The following MACROD2 variants were observed in gnomAD, a reference collection of about 807,000 sequenced individuals.
The protein encoded by MACROD2 is mono-ADP ribosylhydrolase 2, also known as ADP-ribose glycohydrolase MACROD2.
In MACROD2, 36 loss-of-function variants were observed where a neutral mutation model predicts 70.4. The ratio of observed to expected loss-of-function variants is 0.51; its 90% CI spans 0.39 to 0.68. The LOEUF is 0.68. Among genes scored for constraint, MACROD2 ranks in the 30% least tolerant of loss-of-function variants. The pLI, the probability that MACROD2 is intolerant of heterozygous loss-of-function variation, is 0.00. For missense variants in MACROD2, 496 were observed against 538.4 expected (o/e 0.92, Z 0.78); for synonymous variants, 172 against 178.8 (o/e 0.96, Z 0.30).
chr20:14,477,448 T>TAG, intron 3 of MACROD2, among the ~76,000 whole-genome samples: 1 of 152,168 alleles, frequency 6.6e-6, no homozygotes, highest in African/African-American at 2.4e-5. Flanking sequence ...TAGCACAAGA[T>TAG]TTTACATAGA....
intron 5 of MACROD2, among the ~76,000 whole-genome samples, chr20:14,864,436 GT>G (rs1319986366): frequency 6.6e-6 from 1 of 151,968 alleles, no homozygotes; most frequent in African/African-American, 2.4e-5. Flanking sequence ...TTTTTATACT[GT>G]AAAACTTTAA....
chr20:15,349,638 C>T (rs1251026817), intron 6 of MACROD2, among the ~76,000 whole-genome samples: 2 of 151,756 alleles, frequency 1.3e-5, no homozygotes, highest in Admixed American at 6.6e-5. Context: ...CTCCTGTAAT[C>T]CCAGCTACTC....
At chr20:15,534,741 C>T (rs1333702770) in intron 8 of MACROD2, among the ~76,000 whole-genome samples, 1 of 152,032 alleles carries the variant, frequency 6.6e-6, no homozygotes, top group African/African-American at 2.4e-5. Context: ...GACCTGGCTG[C>T]AAGGTAGTGT....
At chr20:15,491,562 T>A (rs2047232123) in intron 7 of MACROD2, among the ~76,000 whole-genome samples, 1 of 152,220 alleles carries the variant, frequency 6.6e-6, no homozygotes. Flanking sequence ...TGTGGGCAAG[T>A]GGAGTGTGAG....
chr20:15,196,712 G>T, intron 5 of MACROD2: 1 of 209,040 alleles, frequency 4.8e-6, no homozygotes, highest in Non-Finnish European at 8.3e-6. Flanking sequence ...TTTCATTGTT[G>T]GCCAGGACTG....
At chr20:15,596,217 A>G (rs1408166943) in intron 8 of MACROD2, among the ~76,000 whole-genome samples, 3 of 152,194 alleles carry the variant, frequency 2.0e-5, no homozygotes, top group Admixed American at 6.5e-5. Context: ...GGTCAACTCT[A>G]CTGAGAGCTC....
rs550377684 is a variant in MACROD2 at position 14,333,687 on chromosome 20, A to G, written c.272-159792A>G. ...TTAAATTTCTAATATTTAAGTTTCC[A>G]TACAGTAGTTCAGCAAATACATTTA... On this transcript the variant is annotated intron_variant, in intron 3 of 17. Coordinates refer to ENST00000684519, the MANE Select transcript of MACROD2 (RefSeq NM_001351661.2). Among the ~76,000 whole-genome samples the G allele has an allele frequency of 6.6e-5, 10 of 152,344 alleles. No homozygotes were observed. In the East Asian group the frequency reaches 1.9e-3, roughly 29 times the overall value.
Position 16,018,127 on chromosome 20 carries a change from T to TA in MACROD2, c.1154-23068dup, listed in dbSNP as rs2066953723. 2.6e-5 allele frequency among the ~76,000 whole-genome samples: 4 copies of TA among 152,234 alleles called. No homozygotes were observed. In the South Asian group the frequency reaches 8.3e-4, roughly 32 times the overall value. The stretch of plus-strand genomic sequence containing the variant: ...ATATGGAGCACAGAAGGTAAAATAT[T>TA]AAAAAATGAATATTATGAGATGGCT... On this transcript the variant is annotated intron_variant, in intron 15 of 17. Transcript: ENST00000684519.
chr20:15,689,779 C>CT (rs1205538217), intron 8 of MACROD2, among the ~76,000 whole-genome samples: 1 of 152,148 alleles, frequency 6.6e-6, no homozygotes, highest in Non-Finnish European at 1.5e-5. Context: ...CCTCTAAACA[C>CT]TTTCTCCAAA....
chr20:14,738,612 C>T (rs1424351346), intron 5 of MACROD2, among the ~76,000 whole-genome samples: 1 of 152,020 alleles, frequency 6.6e-6, no homozygotes, highest in African/African-American at 2.4e-5. Context: ...TGAGCAAATG[C>T]ACGCATACAT....
intron 3 of MACROD2, among the ~76,000 whole-genome samples, chr20:14,293,400 G>C (rs1019378200): frequency 1.3e-5 from 2 of 151,782 alleles, no homozygotes. Flanking sequence ...AGGGGCTGTG[G>C]GTGCCTTATA....
chr20:14,146,355 G>A (rs923115404), intron 3 of MACROD2, among the ~76,000 whole-genome samples: 34 of 152,128 alleles, frequency 2.2e-4, no homozygotes, highest in African/African-American at 8.0e-4. Context: ...ATTTCTGTCA[G>A]TATCGGGTTG....
rs577842332 is a variant in MACROD2 at position 15,436,318 on chromosome 20, C to T, written c.571+4883C>T. On this transcript the variant is annotated intron_variant, in intron 7 of 17. Coordinates refer to ENST00000684519, the MANE Select transcript of MACROD2 (RefSeq NM_001351661.2). ...GTGGAAGGCAAGGAAGAGCAAGTCA[C>T]GTCTTACATGGATGGCAGCAGACAG... Among the ~76,000 whole-genome samples the T allele has an allele frequency of 8.0e-4, 122 of 152,198 alleles. 1 individual carries two copies. Among genetic ancestry groups the T allele is most frequent in the Non-Finnish European group, 1.5e-3 (102 of 67,984 alleles).
intron 4 of MACROD2, among the ~76,000 whole-genome samples, chr20:14,601,708 G>T (rs2123406020): frequency 6.6e-6 from 1 of 152,220 alleles, no homozygotes; most frequent in South Asian, 2.1e-4. Flanking sequence ...GGCCGTGAAA[G>T]TCATAACTTA....
chr20:14,983,521 ATGCTG>A lies in MACROD2; in HGVS notation c.419-246417_419-246413del, dbSNP rs201179271. Among the ~76,000 whole-genome samples, 355 of 152,086 alleles carry A rather than the reference ATGCTG, an allele frequency of 2.3e-3. 9 individuals carry two copies. The East Asian group carries it at 0.057, about 24-fold the overall frequency. On this transcript the variant is annotated intron_variant, in intron 5 of 17. Transcript: ENST00000684519. ...TGAATCATGGGGGCGGGTCTTTCCT[ATGCTG>A]TTCTCGTGATAGGGAATAAGTCTTA... is the stretch of plus-strand genomic sequence containing the variant.
At chr20:15,302,941 C>T (rs1353095748) in intron 6 of MACROD2, among the ~76,000 whole-genome samples, 1 of 152,094 alleles carries the variant, frequency 6.6e-6, no homozygotes, top group Non-Finnish European at 1.5e-5. Flanking sequence ...AGTTACTTAA[C>T]CTCCCTAAGC....
chr20:15,037,700 A>G (rs1361943702), intron 5 of MACROD2, among the ~76,000 whole-genome samples: 1 of 151,476 alleles, frequency 6.6e-6, no homozygotes, highest in Non-Finnish European at 1.5e-5. Context: ...TTTTTGAACC[A>G]GACTTGATGA....
intron 3 of MACROD2, among the ~76,000 whole-genome samples, chr20:14,209,121 A>T (rs2081549582): frequency 6.6e-6 from 1 of 152,212 alleles, no homozygotes; most frequent in South Asian, 2.1e-4. Flanking sequence ...GAGGAGAATG[A>T]TCCCTTCTCA....
intron 5 of MACROD2, chr20:14,757,790 T>C (rs1600632610): frequency 1.5e-5 from 23 of 1,531,386 alleles, no homozygotes; most frequent in Middle Eastern, 4.3e-4. Context: ...GGGTATCCAG[T>C]ATCTCCGTGA....
Sources: allele counts gnomAD v4.1 joint callset (sites outside exome capture counted in the v4.1 genomes callset), GRCh38; gene constraint gnomAD v4.1.1; transcripts MANE v1.5; gene names NCBI Gene and HGNC (gene_info 2026-07-23, HGNC 2026-07-21).